Variants in PFDN1 observed in about 807,000 individuals in gnomAD.
PFDN1 encodes prefoldin subunit 1.
PFDN1 carries 6 observed loss-of-function variants against 17.3 expected under a neutral mutation model. That is an observed-to-expected ratio of 0.35 (90% confidence interval 0.19 to 0.69). The LOEUF (loss-of-function observed/expected upper bound fraction) is 0.69, where lower values mean the gene tolerates loss of function less well. Among genes scored for constraint, PFDN1 ranks in the 30% least tolerant of loss-of-function variants. The pLI is 0.65. For synonymous variants in PFDN1, 58 were observed against 50.1 expected (o/e 1.16, Z -0.67); for missense variants, 113 against 146.2 (o/e 0.77, Z 1.17).
intron 3 of PFDN1, among the ~76,000 whole-genome samples, chr5:140,249,825 T>G (rs191690076): frequency 1.3e-3 from 200 of 152,148 alleles, no homozygotes; most frequent in African/African-American, 3.4e-3. Flanking sequence ...CTCACTCCCA[T>G]GAGAATGGTA....
In PFDN1 at chr5:140,253,751, G is replaced by A. The variant is rs530692254; in HGVS notation, c.286-7694C>T. Among the ~76,000 whole-genome samples the A allele has an allele frequency of 3.9e-5, 6 of 152,342 alleles. No individual in the cohort carries two copies. In the East Asian group the frequency reaches 1.2e-3, roughly 29 times the overall value. On this transcript the variant is annotated intron_variant, in intron 3 of 3. Transcript: ENST00000261813. ...GGTCAAGCGATGGGCAGCTGAAGTC[G>A]GTGGGGACTTTTGGTTCAGAGAAGA...
chr5:140,269,353 T>C lies in PFDN1; in HGVS notation c.285+12096A>G, dbSNP rs1041763131. 1.3e-4 allele frequency among the ~76,000 whole-genome samples: 20 copies of C among 149,886 alleles called. 1 individual carries two copies. Among genetic ancestry groups the C allele is most frequent in the Admixed American group, 1.2e-3 (18 of 15,068 alleles). ...TTTTTTTTGAGATGGAGCTTCGCTC[T>C]TATTGCCCAGGCTGGAGTGCAATGG... is the stretch of plus-strand genomic sequence containing the variant. On this transcript the variant is annotated intron_variant, in intron 3 of 3. Transcript: ENST00000261813.
At position 140,300,455 on chromosome 5, in the gene PFDN1, A is replaced by G. The variant is rs768336611; in HGVS notation, c.161T>C (p.Leu54Ser). 6.2e-7 allele frequency: 1 copy of G among 1,611,460 alleles called. No homozygotes were observed. The highest frequency in any genetic ancestry group is 8.5e-7 in the Non-Finnish European group (1 of 1,177,802). The change falls in exon 2 of 4, where the codon TTG becomes TCG. Residue 54 changes from leucine to serine, a missense_variant. By Grantham distance (145) the Leu-to-Ser change is moderately radical. Coordinates refer to ENST00000261813, the MANE Select transcript of PFDN1 (RefSeq NM_002622.5). ...TTCATACATGTTAGTCTCATCTACC[A>G]AAGTCATGATCTCTGTATCTGTAAG... ...AHLTDTEIMT[L>S]VDETNMYEGV...
At chr5:140,282,464 C>T (rs1765425096) in intron 2 of PFDN1, among the ~76,000 whole-genome samples, 1 of 149,146 alleles carries the variant, frequency 6.7e-6, no homozygotes, top group African/African-American at 2.5e-5. Flanking sequence ...CAATCAAGCA[C>T]TGTGTTAGGA....
intron 2 of PFDN1, among the ~76,000 whole-genome samples, chr5:140,292,095 G>A (rs533169661): frequency 3.9e-5 from 6 of 152,150 alleles, no homozygotes; most frequent in African/African-American, 1.2e-4. Context: ...TGTTTATTTC[G>A]GGTTACTATT....
chr5:140,256,254 C>G (rs1764984135), intron 3 of PFDN1, among the ~76,000 whole-genome samples: 1 of 152,086 alleles, frequency 6.6e-6, no homozygotes, highest in East Asian at 1.9e-4. Flanking sequence ...GTGGCTCACA[C>G]CTGTAATCTC....
intron 3 of PFDN1, among the ~76,000 whole-genome samples, chr5:140,265,170 AC>A (rs1342868656): frequency 4.6e-5 from 7 of 152,006 alleles, no homozygotes; most frequent in Non-Finnish European, 1.0e-4. Context: ...AACAGAACTG[AC>A]CACTTCTGCT....
intron 3 of PFDN1, among the ~76,000 whole-genome samples, chr5:140,277,945 ACACCTGTAAT>A (rs1475841494): frequency 1.3e-5 from 2 of 152,186 alleles, no homozygotes; most frequent in East Asian, 3.8e-4. Flanking sequence ...GCTGTGGCTC[ACACCTGTAAT>A]CCCAGCACTT....
intron 3 of PFDN1, among the ~76,000 whole-genome samples, chr5:140,250,464 T>C (rs1764897110): frequency 6.9e-6 from 1 of 145,100 alleles, no homozygotes; most frequent in African/African-American, 2.5e-5. Context: ...CTTGAGTACA[T>C]GCTGCCCAAT....
chr5:140,302,917 A>G, intron 1 of PFDN1, 124 bp downstream of exon 1: 1 of 793,154 alleles, frequency 1.3e-6, no homozygotes, highest in South Asian at 1.4e-5. Context: ...ACTCTGGGAA[A>G]CCATTCCCTA....
At chr5:140,291,696 G>A (rs1561517086) in intron 2 of PFDN1, among the ~76,000 whole-genome samples, 4 of 151,988 alleles carry the variant, frequency 2.6e-5, no homozygotes. Flanking sequence ...AAAATCCAAG[G>A]GCTAAGGACA....
chr5:140,278,806 T>G (rs1395543751), intron 3 of PFDN1, among the ~76,000 whole-genome samples: 1 of 152,116 alleles, frequency 6.6e-6, no homozygotes, highest in Non-Finnish European at 1.5e-5. Flanking sequence ...AACATCACAA[T>G]TAACAGTGTA....
At chr5:140,297,048 A>T (rs1247104622) in intron 2 of PFDN1, among the ~76,000 whole-genome samples, 4 of 152,226 alleles carry the variant, frequency 2.6e-5, no homozygotes, top group Non-Finnish European at 5.9e-5. Flanking sequence ...ATGGATTTGG[A>T]CAGACAGAAT....
chr5:140,251,333 C>T (rs538990438), intron 3 of PFDN1, among the ~76,000 whole-genome samples: 11 of 152,296 alleles, frequency 7.2e-5, no homozygotes, highest in Admixed American at 6.5e-4. Context: ...AAAACTCAAA[C>T]GTTACAGATC....
At chr5:140,285,801 A>C (rs1402652093) in intron 2 of PFDN1, among the ~76,000 whole-genome samples, 1 of 152,098 alleles carries the variant, frequency 6.6e-6, no homozygotes, top group Non-Finnish European at 1.5e-5. Context: ...GGAGACCTTA[A>C]GTATCCACAC....
chr5:140,255,602 C>T (rs1764974796), intron 3 of PFDN1, among the ~76,000 whole-genome samples: 1 of 152,138 alleles, frequency 6.6e-6, no homozygotes, highest in Non-Finnish European at 1.5e-5. Flanking sequence ...GTGATCATGC[C>T]ACTGCACTCA....
chr5:140,276,801 A>AAAAAAAAAAC (rs1765301569), intron 3 of PFDN1, among the ~76,000 whole-genome samples: 1 of 151,388 alleles, frequency 6.6e-6, no homozygotes, highest in African/African-American at 2.4e-5. Flanking sequence ...AAAAAAAAAA[A>AAAAAAAAAAC]AAAAGACTGA....
intron 2 of PFDN1, among the ~76,000 whole-genome samples, chr5:140,298,852 T>C (rs1349810458): frequency 6.6e-6 from 1 of 152,088 alleles, no homozygotes; most frequent in Non-Finnish European, 1.5e-5. Context: ...CCTCCTGGGT[T>C]CGAGCAGTTC....
intron 3 of PFDN1, among the ~76,000 whole-genome samples, chr5:140,246,413 C>T (rs1024325110): frequency 3.9e-5 from 6 of 152,232 alleles, no homozygotes; most frequent in Non-Finnish European, 7.3e-5. Context: ...AGCTCCTGTC[C>T]GTAACAGACT....
Sources: gnomAD v4.1 joint callset for allele counts (sites outside exome capture counted in the v4.1 genomes callset) on GRCh38, gnomAD v4.1.1 for gene constraint, MANE v1.5 for transcripts, NCBI Gene and HGNC (gene_info 2026-07-23, HGNC 2026-07-21) for gene names.